B4GALT5: variants seen among roughly 807,000 people sequenced by gnomAD.
The protein encoded by B4GALT5 is beta-1,4-galactosyltransferase 5.
In B4GALT5, 11 loss-of-function variants were observed where a neutral mutation model predicts 45.0. The ratio of observed to expected loss-of-function variants is 0.24; its 90% CI spans 0.15 to 0.40. B4GALT5 has a LOEUF of 0.40. B4GALT5 is among the 10% of genes least tolerant of loss of function. B4GALT5 has a pLI of 1.00. For missense variants in B4GALT5, 337 were observed against 500.2 expected, an observed-to-expected ratio of 0.67 and a Z score of 3.11; for synonymous variants, 185 against 182.9, an observed-to-expected ratio of 1.01 and a Z score of -0.09.
At position 49,709,379 on chromosome 20, in the gene B4GALT5, A is replaced by G. The variant is rs578262584; in HGVS notation, c.115+4197T>C. On this transcript the variant is annotated intron_variant, in intron 1 of 8. Transcript: ENST00000371711. Reference sequence around the variant, plus strand: ...CAACATTATTACCTTGCTCCTTATCAAATCCACCACTTTCTCTCTTTCACT... The same window carrying G: ...CAACATTATTACCTTGCTCCTTATCGAATCCACCACTTTCTCTCTTTCACT... Among the ~76,000 whole-genome samples, 212 of 152,320 alleles carry G rather than the reference A, an allele frequency of 1.4e-3. 1 individual carries two copies. The highest frequency in any genetic ancestry group is 4.7e-3 in the African/African-American group (194 of 41,580).
chr20:49,663,690 A>AAAATATATATATAT (rs1555812124), intron 1 of B4GALT5, among the ~76,000 whole-genome samples: 5 of 96,962 alleles, frequency 5.2e-5, no homozygotes, highest in African/African-American at 2.2e-4. Context: ...AAAAAAAAAA[A>AAAATATATATATAT]ATATATACAT....
rs749167504 is a variant in B4GALT5 at position 49,708,232 on chromosome 20, G to A, written c.115+5344C>T. On this transcript the variant is annotated intron_variant, in intron 1 of 8. Transcript: ENST00000371711. ...TGCACTCCAGCCTGGGTGACAGAGCGAGAGACTTCATCTCAAAAAATAGTA... is the reference window on the plus strand; with the variant it reads ...TGCACTCCAGCCTGGGTGACAGAGCAAGAGACTTCATCTCAAAAAATAGTA... Among the ~76,000 whole-genome samples the A allele has an allele frequency of 6.6e-5, 10 of 152,098 alleles. 1 individual carries two copies. Among genetic ancestry groups the A allele is most frequent in the South Asian group, 4.2e-4 (2 of 4,816 alleles).
chr20:49,657,431 C>T lies in B4GALT5; in HGVS notation c.116-729G>A, dbSNP rs926127159. Among the ~76,000 whole-genome samples the T allele has an allele frequency of 9.2e-5, 14 of 152,196 alleles. No individual in the cohort carries two copies. The East Asian group carries it at 2.5e-3, about 27-fold the overall frequency. ...ATCTCCACTTGCATTTTCCTGAAGT[C>T]TCTCTATGATACAAAACTAGAAGCT... On this transcript the variant is annotated intron_variant, in intron 1 of 8. Coordinates refer to ENST00000371711, the MANE Select transcript of B4GALT5 (RefSeq NM_004776.4).
intron 1 of B4GALT5, 131 bp from the exon 2 acceptor site, chr20:49,656,833 A>G (rs1052054184): frequency 1.7e-6 from 2 of 1,175,244 alleles, no homozygotes; most frequent in Non-Finnish European, 2.4e-6. Context: ...AAAACCCTAC[A>G]TGACCATAAC....
intron 7 of B4GALT5, among the ~76,000 whole-genome samples, chr20:49,638,900 TAA>T (rs2085564750): frequency 6.6e-6 from 1 of 152,082 alleles, no homozygotes; most frequent in Non-Finnish European, 1.5e-5. Flanking sequence ...ATAACCGAAT[TAA>T]ATGGAGCCAC....
rs150211303 is a variant in B4GALT5, at chr20:49,687,707, A to G, written c.115+25869T>C. 2.7e-3 allele frequency among the ~76,000 whole-genome samples: 405 copies of G among 152,154 alleles called. 2 individuals carry two copies. The highest frequency in any genetic ancestry group is 9.0e-3 in the African/African-American group (373 of 41,520). The stretch of plus-strand genomic sequence containing the variant: ...TTATTTTCGATTCCCTATAAACTGA[A>G]TATTTCTTCCTTAGTAAATGGAGCA... On this transcript the variant is annotated intron_variant, in intron 1 of 8. Transcript: ENST00000371711.
rs549516852 is a variant in B4GALT5, at chr20:49,636,009, C to A, written c.*303G>T. 4 of 352,952 alleles carry A rather than the reference C, an allele frequency of 1.1e-5. No individual in the cohort carries two copies. Among genetic ancestry groups the A allele is most frequent in the Non-Finnish European group, 2.2e-5 (4 of 185,114 alleles). 21.9% of individuals were successfully genotyped at this position (352,952 alleles called of 1,614,324 possible). On this transcript the variant is annotated 3_prime_UTR_variant, in exon 9 of 9. Transcript: ENST00000371711. ...AGTTCATCATGGGTTCTGGAGACTG[C>A]GGCTAAGACAGGATGTGGGGTAGGA...
At chr20:49,664,812 A>G (rs2085682153) in intron 1 of B4GALT5, among the ~76,000 whole-genome samples, 1 of 152,200 alleles carries the variant, frequency 6.6e-6, no homozygotes, top group Non-Finnish European at 1.5e-5. Flanking sequence ...AATGCTTCTG[A>G]AAAAAATGTG....
At chr20:49,709,763 C>G (rs1031518699) in intron 1 of B4GALT5, among the ~76,000 whole-genome samples, 1 of 147,444 alleles carries the variant, frequency 6.8e-6, no homozygotes, top group South Asian at 2.1e-4. Flanking sequence ...AGCGAAACTC[C>G]GTCTCAAAAA....
chr20:49,650,195 T>TAA (rs1387299482), intron 2 of B4GALT5, among the ~76,000 whole-genome samples: 2 of 152,154 alleles, frequency 1.3e-5, no homozygotes, highest in Non-Finnish European at 2.9e-5. Context: ...AAAAAGCATT[T>TAA]ATTTTTCTTC....
chr20:49,656,874 A>G (rs2085645635), intron 1 of B4GALT5, among the ~76,000 whole-genome samples, 172 bp from the exon 2 acceptor site: 1 of 152,074 alleles, frequency 6.6e-6, no homozygotes, highest in Non-Finnish European at 1.5e-5. Context: ...GGACACCAAC[A>G]TCTTTTGGGT....
rs1601253324 is a variant in B4GALT5 at position 49,656,827 on chromosome 20, C to A, written c.116-125G>T. On this transcript the variant is annotated intron_variant, in intron 1 of 8. Transcript: ENST00000371711. ...AAAGCCTCTTTTAGTTCTTTTAAAACCCTACATGACCATAACTCTATTTTC... is the reference window on the plus strand; with the variant it reads ...AAAGCCTCTTTTAGTTCTTTTAAAAACCTACATGACCATAACTCTATTTTC... 81 of 1,198,694 alleles carry A rather than the reference C, an allele frequency of 6.8e-5. No individual in the cohort carries two copies. The South Asian group carries it at 1.1e-3, about 16-fold the overall frequency. The allele number at this position is 1,198,694 out of a possible 1,614,324, so 74.3% of individuals were successfully genotyped here.
intron 2 of B4GALT5, among the ~76,000 whole-genome samples, chr20:49,649,173 CTG>C (rs990905727): frequency 5.3e-5 from 8 of 152,218 alleles, no homozygotes; most frequent in Non-Finnish European, 1.0e-4. Flanking sequence ...AAAATTTTAA[CTG>C]TGTCTTAACA....
chr20:49,665,358 A>G (rs2085685292), intron 1 of B4GALT5, among the ~76,000 whole-genome samples: 1 of 132,984 alleles, frequency 7.5e-6, no homozygotes, highest in Non-Finnish European at 1.6e-5. Flanking sequence ...AGCTGCAGTG[A>G]GTTATGATCA....
intron 1 of B4GALT5, among the ~76,000 whole-genome samples, chr20:49,670,147 T>C (rs1477957024): frequency 1.3e-5 from 2 of 152,220 alleles, no homozygotes; most frequent in Non-Finnish European, 2.9e-5. Context: ...ACATAAACTG[T>C]GACACAAAAC....
intron 1 of B4GALT5, among the ~76,000 whole-genome samples, chr20:49,700,164 T>G (rs929073920): frequency 6.6e-6 from 1 of 152,170 alleles, no homozygotes; most frequent in African/African-American, 2.4e-5. Flanking sequence ...TGGGCCTGGG[T>G]GCATGCCCTT....
intron 5 of B4GALT5, 74 bp downstream of exon 5, chr20:49,642,394 A>C: frequency 9.0e-7 from 1 of 1,115,008 alleles, no homozygotes; most frequent in Non-Finnish European, 1.3e-6. Context: ...TCACACCAAC[A>C]GTGGATTAGC....
intron 2 of B4GALT5, among the ~76,000 whole-genome samples, chr20:49,647,436 T>C (rs1003759900): frequency 6.6e-6 from 1 of 152,242 alleles, no homozygotes; most frequent in African/African-American, 2.4e-5. Flanking sequence ...AGCATTTATA[T>C]GCAGTATTCA....
chr20:49,705,763 C>T (rs2085881152), intron 1 of B4GALT5, among the ~76,000 whole-genome samples: 1 of 152,068 alleles, frequency 6.6e-6, no homozygotes, highest in African/African-American at 2.4e-5. Context: ...CCAGTCTCCT[C>T]AGTTCACAGA....
Sources: allele counts gnomAD v4.1 joint callset (sites outside exome capture counted in the v4.1 genomes callset), GRCh38; gene constraint gnomAD v4.1.1; transcripts MANE v1.5; gene names NCBI Gene and HGNC (gene_info 2026-07-23, HGNC 2026-07-21).